Variants in ITGA2B observed in about 807,000 individuals in gnomAD.
ITGA2B encodes integrin alpha-IIb.
In ITGA2B, 91 loss-of-function variants were observed where a neutral mutation model predicts 142.0. The observed-to-expected ratio is 0.64, with a 90% CI of 0.54 to 0.76. The LOEUF (loss-of-function observed/expected upper bound fraction) is 0.76, where lower values mean the gene tolerates loss of function less well. Among genes scored for constraint, ITGA2B ranks in the 30% least tolerant of loss-of-function variants. ITGA2B has a pLI of 0.00. For missense variants in ITGA2B, 1,231 were observed against 1,350.8 expected (o/e 0.91, Z 1.39); for synonymous variants, 536 against 567.2 (o/e 0.94, Z 0.78).
At chr17:44,374,827 C>T in intron 27 of ITGA2B, 67 bp from the exon 28 acceptor site, 2 of 1,426,486 alleles carry the variant, frequency 1.4e-6, no homozygotes, top group South Asian at 1.2e-5. Flanking sequence ...GAGTCCAGGT[C>T]CCACACCCCC....
intron 13 of ITGA2B, 35 bp downstream of exon 13, chr17:44,380,844 C>T (rs1157742513): frequency 3.1e-6 from 5 of 1,613,292 alleles, no homozygotes; most frequent in Middle Eastern, 1.7e-4. Context: ...AAGGGCCTTT[C>T]TTGGGCATTT....
rs78218617 is a variant in ITGA2B, at chr17:44,380,626, G to C, written c.1413C>G (p.Tyr471Ter). Residue 471 changes from tyrosine to a stop codon, truncating the protein, a stop_gained, in exon 14 of 30, where the codon TAC becomes TAG. Coordinates refer to ENST00000262407, the MANE Select transcript of ITGA2B (RefSeq NM_000419.5). LOFTEE classifies it high-confidence loss of function. ...NGYPDLIVGAYGANQVAVYRA... is the reference protein window; with the variant it reads ...NGYPDLIVGA ...TGTACACAGCCACCTGGTTGGCCCC[G>C]TAAGCTCCCACGATCAGGTCTATAG... 1.1e-5 allele frequency: 17 copies of C among 1,614,054 alleles called. No individual in the cohort carries two copies. The highest frequency in any genetic ancestry group is 1.4e-5 in the Non-Finnish European group (17 of 1,180,032).
rs781553367 is a variant in ITGA2B, at chr17:44,374,688, G to A, written c.2914C>T (p.Pro972Ser). The stretch of plus-strand genomic sequence containing the variant: ...GCTTCCCCTCGGGGCAGGCTGAGCG[G>A]GGGCACCGCATAGGGGAGGGAGGAC... ...NVSSLPYAVP[P>S]LSLPRGEAQV... Residue 972 changes from proline (P) to serine (S), a missense_variant, in exon 28 of 30, where the codon CCG becomes TCG. Physicochemically the swap from Pro to Ser is moderately conservative, Grantham distance 74 (BLOSUM62 -1). This residue lies in a region of ITGA2B where 908 missense variants were observed against 1,021.1 expected (regional missense o/e 0.89). Coordinates refer to ENST00000262407, the MANE Select transcript of ITGA2B (RefSeq NM_000419.5). 3 of 1,613,900 alleles carry A rather than the reference G, an allele frequency of 1.9e-6. No homozygotes were observed. Among genetic ancestry groups the A allele is most frequent in the Admixed American group, 1.7e-5 (1 of 59,996 alleles).
At chr17:44,381,159 C>G in intron 12 of ITGA2B, 98 bp from the exon 13 acceptor site, 1 of 1,226,016 alleles carries the variant, frequency 8.2e-7, no homozygotes, top group Non-Finnish European at 1.1e-6. Context: ...TCCCAGGAGA[C>G]TAGGAAAGGG....
chr17:44,383,652 G>A lies in ITGA2B; in HGVS notation c.1051C>T (p.Arg351Ter), dbSNP rs1032879686. 16 of 1,597,114 alleles carry A rather than the reference G, an allele frequency of 1.0e-5. No homozygotes were observed. Among genetic ancestry groups the A allele is most frequent in the African/African-American group, 2.7e-5 (2 of 74,598 alleles). Residue 351 changes from arginine to a stop codon, truncating the protein, a stop_gained, in exon 12 of 30, where the codon CGA (arginine) becomes TGA (stop). Coordinates refer to ENST00000262407, the MANE Select transcript of ITGA2B (RefSeq NM_000419.5). LOFTEE classifies it high-confidence loss of function. Reference sequence around the variant, plus strand: ...ACACGCCCCACTTCGGCCAGTTTTCGGTCTGCCCGGCTCTCCATATACAGT... The same window carrying A: ...ACACGCCCCACTTCGGCCAGTTTTCAGTCTGCCCGGCTCTCCATATACAGT... Reference protein sequence around the residue: ...APLYMESRADRKLAEVGRVYL... With the variant: ...APLYMESRAD
At position 44,378,716 on chromosome 17, in the gene ITGA2B, G is replaced by A. The variant is rs1190680842; in HGVS notation, c.1879-6C>T. ...CAGTCCAGGACGATTCGTGTCTAGA[G>A]GGGCACATTGGGGTGTGCGGGTAAG... On this transcript the variant is annotated splice_polypyrimidine_tract_variant and splice_region_variant and intron_variant, in intron 18 of 29. Transcript: ENST00000262407. 5 of 1,554,062 alleles carry A rather than the reference G, an allele frequency of 3.2e-6. No individual in the cohort carries two copies. Among genetic ancestry groups the A allele is most frequent in the Admixed American group, 3.9e-5 (2 of 51,176 alleles).
rs980395817 is a variant in ITGA2B, at chr17:44,387,826, CAAAAAAA to C, written c.188+1453_188+1459del. Reference sequence around the variant, plus strand: ...GGGCAACAAGAGCGAAACCCCATCTCAAAAAAAAAAAAAAAAAAAAAAAAAAAAGAAG... The same window carrying C: ...GGGCAACAAGAGCGAAACCCCATCTCAAAAAAAAAAAAAAAAAAAAAGAAG... On this transcript the variant is annotated intron_variant, in intron 1 of 29. Transcript: ENST00000262407. Among the ~76,000 whole-genome samples, 15 of 24,576 alleles carry C rather than the reference CAAAAAAA, an allele frequency of 6.1e-4. No individual in the cohort carries two copies. In the East Asian group the frequency reaches 0.01, roughly 17 times the overall value. The allele number at this position is 24,576 out of a possible 152,430, so 16.1% of individuals were successfully genotyped here.
rs771317292 is a variant in ITGA2B at position 44,383,485 on chromosome 17, T to G, written c.1210+8A>C. 1.2e-6 allele frequency: 2 copies of G among 1,604,960 alleles called. No homozygotes were observed. Among genetic ancestry groups the G allele is most frequent in the Non-Finnish European group, 1.7e-6 (2 of 1,178,640 alleles). On this transcript the variant is annotated splice_region_variant and intron_variant, in intron 12 of 29. Coordinates refer to ENST00000262407, the MANE Select transcript of ITGA2B (RefSeq NM_000419.5). Reference sequence around the variant, plus strand: ...TCTGCAGCAAGTAGGGCTCCTCTCTTCCCTCACCATTGTAGCCATCCCGGT... The same window carrying G: ...TCTGCAGCAAGTAGGGCTCCTCTCTGCCCTCACCATTGTAGCCATCCCGGT...
chr17:44,374,923 C>A, intron 27 of ITGA2B, 75 bp downstream of exon 27: 3 of 1,383,226 alleles, frequency 2.2e-6, no homozygotes, highest in Non-Finnish European at 9.9e-7. Context: ...CCTCCCACAC[C>A]AAACCCCGCC....
At position 44,375,828 on chromosome 17, in the gene ITGA2B, C is replaced by T. The variant is rs770731359; in HGVS notation, c.2601+5G>A. 6 of 1,573,332 alleles carry T rather than the reference C, an allele frequency of 3.8e-6. No homozygotes were observed. The highest frequency in any genetic ancestry group is 4.3e-6 in the Non-Finnish European group (5 of 1,158,710). On this transcript the variant is annotated splice_donor_5th_base_variant and intron_variant, in intron 25 of 29. Transcript: ENST00000262407. ...TCCCAGGTCTTTCTTCCACCCAGCT[C>T]TTACCTTGAGAGGGTTGACAGGAGG...
At chr17:44,379,169 T>C (rs1258777125) in intron 18 of ITGA2B, among the ~76,000 whole-genome samples, 1 of 151,168 alleles carries the variant, frequency 6.6e-6, no homozygotes, top group Non-Finnish European at 1.5e-5. Flanking sequence ...TTAGCCAGGA[T>C]GGTCTTGATC....
chr17:44,387,340 T>G (rs1406272824), intron 1 of ITGA2B, among the ~76,000 whole-genome samples: 1 of 150,854 alleles, frequency 6.6e-6, no homozygotes, highest in Admixed American at 6.6e-5. Context: ...CTGGCCAACA[T>G]AGTGAAACCC....
At chr17:44,384,489 T>C (rs1352835972) in intron 8 of ITGA2B, 49 bp downstream of exon 8, 1 of 1,612,124 alleles carries the variant, frequency 6.2e-7, no homozygotes, top group Non-Finnish European at 8.5e-7. Flanking sequence ...AGGAAGGCGC[T>C]CCTCCCCGGG....
In ITGA2B at chr17:44,379,815, C is replaced by T. The variant is rs2048578129; in HGVS notation, c.1753-1G>A. ...GCTTGTCCCGGAAGTCTGCCTCATC[C>T]TAGGACAGGGGCAAGAGTCAGGCCA... is the stretch of plus-strand genomic sequence containing the variant. On this transcript the variant is annotated splice_acceptor_variant, in intron 17 of 29. Transcript: ENST00000262407. LOFTEE classifies it high-confidence loss of function. The T allele has an allele frequency of 2.5e-6, 4 of 1,613,862 alleles. No homozygotes were observed. The East Asian group carries it at 6.7e-5, about 27-fold the overall frequency.
chr17:44,384,606 T>A (rs776326401), intron 7 of ITGA2B, 21 bp from the exon 8 acceptor site: 3 of 1,613,750 alleles, frequency 1.9e-6, no homozygotes, highest in Non-Finnish European at 2.5e-6. Context: ...GGGCGCAAAT[T>A]AGTCTTTTCC....
At position 44,375,688 on chromosome 17, in the gene ITGA2B, G is replaced by A; in HGVS notation, c.2630C>T (p.Pro877Leu). Residue 877 changes from proline to leucine, a missense_variant, in exon 26 of 30, where the codon CCC becomes CTC. Physicochemically the swap from Pro to Leu is moderately conservative, Grantham distance 98. This residue lies in a region of ITGA2B where 908 missense variants were observed against 1,021.1 expected (regional missense o/e 0.89). Transcript: ENST00000262407. ...GTGATGGGCCGGGTGAATGGGGGAG[G>A]GGCTGGGGATGGGCAGCCCCCAGTC... is the stretch of plus-strand genomic sequence containing the variant. ...KVDWGLPIPS[P>L]SPIHPAHHKR... 1 of 1,599,290 alleles carries A rather than the reference G, an allele frequency of 6.3e-7. No homozygotes were observed. The highest frequency in any genetic ancestry group is 1.1e-5 in the South Asian group (1 of 89,030).
intron 12 of ITGA2B, among the ~76,000 whole-genome samples, chr17:44,383,226 T>G (rs2048611623): frequency 1.3e-5 from 2 of 152,088 alleles, no homozygotes; most frequent in African/African-American, 4.8e-5. Context: ...ATCCGAGTCC[T>G]AAATATCTGT....
intron 1 of ITGA2B, among the ~76,000 whole-genome samples, chr17:44,388,284 C>T (rs1294682114): frequency 2.7e-5 from 4 of 150,496 alleles, no homozygotes; most frequent in East Asian, 2.0e-4. Flanking sequence ...ATGCAAGGTG[C>T]GGGAGGGTAG....
At chr17:44,377,149 TG>T in intron 21 of ITGA2B, 61 bp from the exon 22 acceptor site, 1 of 1,257,018 alleles carries the variant, frequency 8.0e-7, no homozygotes, top group Non-Finnish European at 1.1e-6. Flanking sequence ...AGCCCTGCCC[TG>T]AATGTGGCCT....
Sources: gnomAD v4.1 joint callset for allele counts (sites outside exome capture counted in the v4.1 genomes callset) on GRCh38, gnomAD v4.1.1 for gene constraint, gnomAD v4.1.1 regional missense constraint, MANE v1.5 for transcripts, NCBI Gene and HGNC (gene_info 2026-07-23, HGNC 2026-07-21) for gene names.